The following MDGA2 variants were observed in gnomAD, a reference collection of about 807,000 sequenced individuals.
MDGA2 encodes the protein MAM domain-containing glycosylphosphatidylinositol anchor protein 2.
In MDGA2, 40 loss-of-function variants were observed where a neutral mutation model predicts 117.8. The ratio of observed to expected loss-of-function variants is 0.34; its 90% CI spans 0.26 to 0.44. The LOEUF is 0.44. MDGA2 is among the 20% of genes least tolerant of loss of function. The probability of loss-of-function intolerance (pLI) is 1.00; values close to 1 mark genes in which losing one functional copy is unlikely to be tolerated. For missense variants in MDGA2, 1,123 were observed against 1,250.6 expected (o/e 0.90, Z 1.54); for synonymous variants, 452 against 439.0 (o/e 1.03, Z -0.37).
At chr14:47,464,031 C>G (rs1893545859) in intron 1 of MDGA2, among the ~76,000 whole-genome samples, 1 of 151,468 alleles carries the variant, frequency 6.6e-6, no homozygotes. Flanking sequence ...ACTCACAAAC[C>G]TCTCTAGAAC....
At chr14:47,473,032 A>C (rs929273148) in intron 1 of MDGA2, among the ~76,000 whole-genome samples, 8 of 152,216 alleles carry the variant, frequency 5.3e-5, no homozygotes, top group Non-Finnish European at 1.0e-4. Context: ...GTAGAAGCAC[A>C]TGAATGCCCA....
At chr14:47,448,792 G>A (rs1397929523) in intron 1 of MDGA2, among the ~76,000 whole-genome samples, 4 of 152,166 alleles carry the variant, frequency 2.6e-5, no homozygotes, top group Non-Finnish European at 4.4e-5. Context: ...AAGTTTCAGT[G>A]GTCCAGGACT....
Position 47,054,536 on chromosome 14 carries a change from A to G in MDGA2, c.1525+6713T>C, listed in dbSNP as rs533501589. Among the ~76,000 whole-genome samples, 7 of 141,194 alleles carry G rather than the reference A, an allele frequency of 5.0e-5. No homozygotes were observed. In the South Asian group the frequency reaches 1.6e-3, roughly 32 times the overall value. 92.6% of individuals were successfully genotyped at this position (141,194 alleles called of 152,430 possible). A position where few individuals can be genotyped will look rare whatever the true frequency, so the allele number is the denominator to read the frequency against. ...TGTGTCCATGTGTTCTCATTGTTCA[A>G]TTCCCACCTATGAGTGAGAACATGA... is the stretch of plus-strand genomic sequence containing the variant. On this transcript the variant is annotated intron_variant, in intron 7 of 16. Transcript: ENST00000399232.
At chr14:47,367,462 T>C (rs1396036083) in intron 1 of MDGA2, among the ~76,000 whole-genome samples, 1 of 152,234 alleles carries the variant, frequency 6.6e-6, no homozygotes, top group Admixed American at 6.5e-5. Context: ...ATAATTTGTT[T>C]CTATTTTCCT....
intron 2 of MDGA2, among the ~76,000 whole-genome samples, chr14:47,237,615 G>A (rs1394041951): frequency 6.6e-6 from 1 of 152,104 alleles, no homozygotes; most frequent in Non-Finnish European, 1.5e-5. Context: ...TGTTCGTAGT[G>A]GATGTCGAAG....
intron 2 of MDGA2, among the ~76,000 whole-genome samples, chr14:47,231,650 A>G (rs557106410): frequency 6.6e-6 from 1 of 152,146 alleles, no homozygotes; most frequent in Non-Finnish European, 1.5e-5. Context: ...GAAGAATAAA[A>G]CACAAAGTTA....
chr14:46,874,126 T>C lies in MDGA2; in HGVS notation c.2512A>G (p.Thr838Ala). ...TTTCTTGTTGCTGTACTTTGCTTTGTCCAGTCAAAATTATCTGTATCATCT... is the reference window on the plus strand; with the variant it reads ...TTTCTTGTTGCTGTACTTTGCTTTGCCCAGTCAAAATTATCTGTATCATCT... The part of the protein sequence containing the change: ...TQDDTDNFDW[T>A]KQSTATRNTK... Residue 838 changes from threonine (T) to alanine (A), a missense_variant, in exon 13 of 17, where the codon ACA becomes GCA. Coordinates refer to ENST00000399232, the MANE Select transcript of MDGA2 (RefSeq NM_001113498.3). 1 of 1,548,828 alleles carries C rather than the reference T, an allele frequency of 6.5e-7. No homozygotes were observed. The highest frequency in any genetic ancestry group is 8.7e-7 in the Non-Finnish European group (1 of 1,148,528).
chr14:46,924,236 C>T (rs1884240786), intron 9 of MDGA2, among the ~76,000 whole-genome samples: 1 of 151,660 alleles, frequency 6.6e-6, no homozygotes, highest in South Asian at 2.1e-4. Context: ...TATAGAAATA[C>T]TGGTATTTCA....
chr14:47,605,597 T>C (rs1028257072), intron 1 of MDGA2, among the ~76,000 whole-genome samples: 5 of 151,940 alleles, frequency 3.3e-5, no homozygotes, highest in Non-Finnish European at 7.4e-5. Context: ...ATTAAGGCAA[T>C]GCCCAATGTT....
At chr14:47,316,785 C>G (rs1889822740) in intron 1 of MDGA2, among the ~76,000 whole-genome samples, 1 of 151,940 alleles carries the variant, frequency 6.6e-6, no homozygotes, top group African/African-American at 2.4e-5. Flanking sequence ...AATATCCAAA[C>G]AAGCTATTAT....
intron 1 of MDGA2, among the ~76,000 whole-genome samples, chr14:47,412,936 A>G (rs1892403168): frequency 6.6e-6 from 1 of 152,242 alleles, no homozygotes. Flanking sequence ...AATAAAGGAA[A>G]TGGATGTATC....
chr14:47,220,408 G>A (rs910811608), intron 2 of MDGA2, among the ~76,000 whole-genome samples: 3 of 152,130 alleles, frequency 2.0e-5, no homozygotes, highest in Non-Finnish European at 4.4e-5. Flanking sequence ...TGGCTGCCCA[G>A]GATAAAGACA....
intron 2 of MDGA2, among the ~76,000 whole-genome samples, chr14:47,243,886 G>C (rs1340195134): frequency 6.6e-6 from 1 of 151,808 alleles, no homozygotes; most frequent in African/African-American, 2.4e-5. Context: ...TTTCATTTCT[G>C]CCTATAGCTA....
At chr14:47,035,418 G>A (rs1055437194) in intron 7 of MDGA2, 114 bp from the exon 8 acceptor site, 22 of 804,952 alleles carry the variant, frequency 2.7e-5, no homozygotes, top group Admixed American at 8.5e-5. Context: ...GTGACAATTC[G>A]GATGATCAAA....
At chr14:47,457,639 C>T (rs1345338503) in intron 1 of MDGA2, among the ~76,000 whole-genome samples, 1 of 152,204 alleles carries the variant, frequency 6.6e-6, no homozygotes, top group African/African-American at 2.4e-5. Context: ...TTCTTTGCCT[C>T]GAATTTGGAG....
In MDGA2 at chr14:47,674,729, C is replaced by A. The variant is rs757117529; in HGVS notation, c.68G>T (p.Arg23Leu). Residue 23 changes from arginine (R) to leucine (L), a missense_variant, in exon 1 of 17, where the codon CGG becomes CTG. Around this residue, in one of 2 missense-constraint regions of MDGA2, gnomAD observed 233 missense variants for 200.3 expected, o/e 1.16. Coordinates refer to ENST00000399232, the MANE Select transcript of MDGA2 (RefSeq NM_001113498.3). ...AACCGCTCGCCGAAGGAGGAAGCGC[C>A]GTCCGTCTGTCCTTCCCCGGCGGCG... Reference protein sequence around the residue: ...RRRRRGRTDGRRFLLRRAVPG... With the variant: ...RRRRRGRTDGLRFLLRRAVPG... 5.0e-6 allele frequency: 4 copies of A among 802,460 alleles called. No individual in the cohort carries two copies. Among genetic ancestry groups the A allele is most frequent in the African/African-American group, 3.4e-5 (2 of 58,972 alleles). The allele number at this position is 802,460 out of a possible 1,614,324, so 49.7% of individuals were successfully genotyped here.
chr14:47,612,815 A>G (rs752972516), intron 1 of MDGA2, among the ~76,000 whole-genome samples: 1 of 152,214 alleles, frequency 6.6e-6, no homozygotes, highest in Admixed American at 6.5e-5. Flanking sequence ...ACAGAATAAA[A>G]TTCATATCTA....
At chr14:46,850,577 A>G (rs1289260822) in intron 15 of MDGA2, among the ~76,000 whole-genome samples, 2 of 151,914 alleles carry the variant, frequency 1.3e-5, no homozygotes, top group African/African-American at 4.8e-5. Context: ...TATATTTAAA[A>G]ATAACCATTA....
At chr14:47,343,249 G>C in intron 1 of MDGA2, 1 of 1,145,070 alleles carries the variant, frequency 8.7e-7, no homozygotes, top group Non-Finnish European at 1.1e-6. Context: ...AACGATTATC[G>C]AATTCCGGGC....
Sources: allele counts gnomAD v4.1 joint callset (sites outside exome capture counted in the v4.1 genomes callset), GRCh38; gene constraint gnomAD v4.1.1; regional missense constraint gnomAD v4.1.1; transcripts MANE v1.5; gene names NCBI Gene and HGNC (gene_info 2026-07-23, HGNC 2026-07-21).